Variants in FAT3 observed in about 807,000 individuals in gnomAD.
FAT3 encodes the protein FAT atypical cadherin 3, also known as protocadherin Fat 3.
Under a neutral mutation model 310.2 loss-of-function variants are expected in FAT3, and 95 were observed. The ratio of observed to expected loss-of-function variants is 0.31; its 90% CI spans 0.26 to 0.36. The LOEUF (loss-of-function observed/expected upper bound fraction) is 0.36. Ranked by LOEUF, FAT3 falls within the 10% of genes least tolerant of loss-of-function variation. The probability of loss-of-function intolerance (pLI) is 1.00; values close to 1 mark genes in which losing one functional copy is unlikely to be tolerated. For synonymous variants in FAT3, 2,314 were observed against 2,192.9 expected, an observed-to-expected ratio of 1.06 and a Z score of -1.54; for missense variants, 5,408 against 5,715.6, an observed-to-expected ratio of 0.95 and a Z score of 1.74.
chr11:92,535,822 G>C (rs999576175), intron 3 of FAT3, among the ~76,000 whole-genome samples: 2 of 151,288 alleles, frequency 1.3e-5, no homozygotes, highest in Admixed American at 1.3e-4. Context: ...TTTCTTACAG[G>C]AGTGTTTTTA....
At chr11:92,867,759 T>C (rs1949285369) in intron 22 of FAT3, among the ~76,000 whole-genome samples, 1 of 152,148 alleles carries the variant, frequency 6.6e-6, no homozygotes, top group African/African-American at 2.4e-5. Context: ...AAAATAAGTC[T>C]AGTTACAGCT....
intron 2 of FAT3, among the ~76,000 whole-genome samples, chr11:92,484,338 A>AG (rs1344602594): frequency 6.6e-6 from 1 of 152,176 alleles, no homozygotes; most frequent in Non-Finnish European, 1.5e-5. Context: ...GTTTAGGCAC[A>AG]TTTAAATTAT....
rs1310101269 is a variant in FAT3, at chr11:92,306,528, T to TTA, written c.-17-45560_-17-45559dup. Among the ~76,000 whole-genome samples the TTA allele has an allele frequency of 4.6e-5, 6 of 129,662 alleles. 1 individual carries two copies. The East Asian group carries it at 1.2e-3, about 26-fold the overall frequency. The allele number at this position is 129,662 out of a possible 152,430, so 85.1% of individuals were successfully genotyped here. Reference sequence around the variant, plus strand: ...GTTATATATATTTATATTATATATGTTATATATATTTATATTATATATGTT... The same window carrying TTA: ...GTTATATATATTTATATTATATATGTTATATATATATTTATATTATATATGTT... On this transcript the variant is annotated intron_variant, in intron 1 of 27. Coordinates refer to ENST00000525166, the MANE Select transcript of FAT3 (RefSeq NM_001367949.2).
chr11:92,356,310 T>C (rs972905292), intron 2 of FAT3, among the ~76,000 whole-genome samples: 2 of 152,192 alleles, frequency 1.3e-5, no homozygotes, highest in Non-Finnish European at 2.9e-5. Flanking sequence ...TTCCCTGTCT[T>C]GTTTAAATGG....
At chr11:92,739,165 T>G (rs997383663) in intron 4 of FAT3, among the ~76,000 whole-genome samples, 1 of 152,210 alleles carries the variant, frequency 6.6e-6, no homozygotes, top group African/African-American at 2.4e-5. Context: ...TGCAGTGATA[T>G]GTCTTAGGAC....
intron 3 of FAT3, among the ~76,000 whole-genome samples, chr11:92,547,100 C>T (rs1452621612): frequency 6.6e-6 from 1 of 152,124 alleles, no homozygotes. Flanking sequence ...GGCTGGTCAT[C>T]GAGCTGCTTC....
At chr11:92,367,373 A>G (rs1565262355) in intron 2 of FAT3, 1 of 156,488 alleles carries the variant, frequency 6.4e-6, no homozygotes, top group Non-Finnish European at 1.4e-5. Context: ...AAACAGGAAG[A>G]CTGCTTGAGC....
At chr11:92,854,268 G>A in intron 19 of FAT3, among the ~76,000 whole-genome samples, 1 of 152,220 alleles carries the variant, frequency 6.6e-6, no homozygotes, top group East Asian at 1.9e-4. Context: ...CAAGGAGCAG[G>A]AGCAGGCACT....
At chr11:92,469,578 G>A (rs55857493) in intron 2 of FAT3, among the ~76,000 whole-genome samples, 4,850 of 151,836 alleles carry the variant, frequency 0.032, 89 homozygotes, top group African/African-American at 0.036. Context: ...GCAGTGGTGC[G>A]ATCTCGGCTC....
rs889125404 is a variant in FAT3, at chr11:92,831,718, T to C, written c.9578T>C (p.Leu3193Pro). ...SSGIIILEQP[L>P]DREQQSSYNI... is the part of the protein sequence containing the mutation. Reference sequence around the variant, plus strand: ...GGCATCATCATCCTGGAGCAGCCACTGGACCGTGAGCAGCAGTCTTCGTAC... The same window carrying C: ...GGCATCATCATCCTGGAGCAGCCACCGGACCGTGAGCAGCAGTCTTCGTAC... The change falls in exon 14 of 28, where the codon CTG becomes CCG. Residue 3193 changes from leucine (L) to proline (P), a missense_variant. Leu to Pro is a moderately conservative substitution (Grantham distance 98). Transcript: ENST00000525166. The C allele has an allele frequency of 9.9e-6, 16 of 1,613,550 alleles. No homozygotes were observed. The highest frequency in any genetic ancestry group is 1.3e-5 in the Non-Finnish European group (15 of 1,179,798).
intron 1 of FAT3, among the ~76,000 whole-genome samples, chr11:92,238,379 G>C (rs1864523599): frequency 1.3e-5 from 2 of 152,158 alleles, no homozygotes; most frequent in South Asian, 4.1e-4. Flanking sequence ...GTTGCTCCCA[G>C]TATATACTCA....
intron 16 of FAT3, among the ~76,000 whole-genome samples, chr11:92,837,087 A>T (rs35217004): frequency 1.9e-3 from 296 of 152,270 alleles, no homozygotes; most frequent in African/African-American, 6.9e-3. Flanking sequence ...GGTCAGAAAA[A>T]ATAGTCCAAA....
rs148645865 is a variant in FAT3, at chr11:92,467,704, A to T, written c.3293-56930A>T. ...GCACCCAGAACAAACCACTTACTTG[A>T]TGATGGGTGTTGCTGAGGGCTGAGC... is the stretch of plus-strand genomic sequence containing the variant. On this transcript the variant is annotated intron_variant, in intron 2 of 27. Coordinates refer to ENST00000525166, the MANE Select transcript of FAT3 (RefSeq NM_001367949.2). Among the ~76,000 whole-genome samples, 238 of 152,278 alleles carry T rather than the reference A, an allele frequency of 1.6e-3. 3 individuals carry two copies. In the East Asian group the frequency reaches 0.034, roughly 22 times the overall value.
At chr11:92,788,815 A>G (rs1008390037) in intron 7 of FAT3, among the ~76,000 whole-genome samples, 4 of 152,192 alleles carry the variant, frequency 2.6e-5, no homozygotes, top group Non-Finnish European at 4.4e-5. Flanking sequence ...AGACTGTGGA[A>G]ACTAAACAGA....
At chr11:92,592,473 C>T (rs1401173363) in intron 3 of FAT3, among the ~76,000 whole-genome samples, 1 of 151,920 alleles carries the variant, frequency 6.6e-6, no homozygotes, top group Non-Finnish European at 1.5e-5. Flanking sequence ...AAGCGCGTGC[C>T]ACCACAGCTG....
At chr11:92,269,952 G>T (rs768911912) in intron 1 of FAT3, among the ~76,000 whole-genome samples, 1 of 152,162 alleles carries the variant, frequency 6.6e-6, no homozygotes, top group East Asian at 1.9e-4. Context: ...TTTTAAATGC[G>T]TTAAGTTATT....
chr11:92,624,779 G>T (rs1941247428), intron 3 of FAT3, among the ~76,000 whole-genome samples: 1 of 152,192 alleles, frequency 6.6e-6, no homozygotes, highest in African/African-American at 2.4e-5. Flanking sequence ...TTAAACAGCA[G>T]AAATTTGTTG....
intron 2 of FAT3, among the ~76,000 whole-genome samples, chr11:92,360,939 CT>C (rs1948865371): frequency 6.6e-6 from 1 of 152,174 alleles, no homozygotes; most frequent in Non-Finnish European, 1.5e-5. Context: ...TATTGTCCTT[CT>C]TTTCCAGTCC....
intron 1 of FAT3, among the ~76,000 whole-genome samples, chr11:92,286,428 G>A (rs1736751787): frequency 6.6e-6 from 1 of 152,074 alleles, no homozygotes; most frequent in Non-Finnish European, 1.5e-5. Flanking sequence ...ATGCACGGAG[G>A]GAATGACTCC....
Sources: gnomAD v4.1 joint callset for allele counts (sites outside exome capture counted in the v4.1 genomes callset) on GRCh38, gnomAD v4.1.1 for gene constraint, MANE v1.5 for transcripts, NCBI Gene and HGNC (gene_info 2026-07-23, HGNC 2026-07-21) for gene names.